PTPRM: variants seen among roughly 807,000 people sequenced by gnomAD.
PTPRM encodes receptor-type tyrosine-protein phosphatase mu.
In PTPRM, 47 loss-of-function variants were observed where a neutral mutation model predicts 186.7. The observed-to-expected ratio is 0.25, with a 90% CI of 0.20 to 0.32. The LOEUF is 0.32. Among genes scored for constraint, PTPRM ranks in the 10% least tolerant of loss-of-function variants. PTPRM has a pLI of 1.00. For synonymous variants in PTPRM, 668 were observed against 674.9 expected, an observed-to-expected ratio of 0.99 and a Z score of 0.16; for missense variants, 1,494 against 1,865.0, an observed-to-expected ratio of 0.80 and a Z score of 3.66.
intron 1 of PTPRM, among the ~76,000 whole-genome samples, chr18:7,771,054 A>C (rs994176198): frequency 6.6e-6 from 1 of 152,288 alleles, no homozygotes; most frequent in African/African-American, 2.4e-5. Context: ...ACCTGGCACC[A>C]GTGTTGTATT....
intron 1 of PTPRM, among the ~76,000 whole-genome samples, chr18:7,705,321 A>C (rs868349696): frequency 3.9e-4 from 56 of 143,076 alleles, no homozygotes; most frequent in African/African-American, 7.1e-4. Context: ...CTATCTATCT[A>C]TCTATCTGTC....
intron 19 of PTPRM, among the ~76,000 whole-genome samples, chr18:8,255,119 G>A (rs1005734453): frequency 6.6e-6 from 1 of 152,166 alleles, no homozygotes; most frequent in Non-Finnish European, 1.5e-5. Context: ...GGAATTAATA[G>A]GATTAAGAGT....
At chr18:7,993,514 T>TTAACAGCAGA (rs2083374258) in intron 7 of PTPRM, among the ~76,000 whole-genome samples, 1 of 152,036 alleles carries the variant, frequency 6.6e-6, no homozygotes, top group South Asian at 2.1e-4. Flanking sequence ...TCCCATCAGA[T>TTAACAGCAGA]TAACAGCAGA....
At chr18:8,378,584 T>C (rs1260937755) in intron 27 of PTPRM, among the ~76,000 whole-genome samples, 170 bp downstream of exon 27, 2 of 152,136 alleles carry the variant, frequency 1.3e-5, no homozygotes, top group African/African-American at 4.8e-5. Flanking sequence ...GTCTATGGTA[T>C]CACCACCACA....
intron 14 of PTPRM, among the ~76,000 whole-genome samples, chr18:8,150,208 A>C (rs1435393422): frequency 1.3e-5 from 2 of 152,094 alleles, no homozygotes; most frequent in African/African-American, 4.8e-5. Flanking sequence ...TAGATTGGGG[A>C]AGTTCTCCTG....
chr18:8,088,092 G>A (rs2090523707), intron 10 of PTPRM, among the ~76,000 whole-genome samples: 2 of 152,232 alleles, frequency 1.3e-5, no homozygotes, highest in African/African-American at 4.8e-5. Context: ...AAACGTAGAG[G>A]GTAGTTCCCC....
At chr18:8,074,823 T>C (rs1398030062) in intron 8 of PTPRM, among the ~76,000 whole-genome samples, 1 of 152,218 alleles carries the variant, frequency 6.6e-6, no homozygotes. Context: ...ATATATGATA[T>C]GCAGAAGCCT....
chr18:8,300,080 T>G lies in PTPRM; in HGVS notation c.2842+3625T>G, dbSNP rs376383553. ...GCGGGATGGGTTTAAATCTACCTCC[T>G]ACCACCATGAATTTGCAGTCTGTGG... On this transcript the variant is annotated intron_variant, in intron 20 of 32. Transcript: ENST00000580170. Among the ~76,000 whole-genome samples, 23 of 152,280 alleles carry G rather than the reference T, an allele frequency of 1.5e-4. No individual in the cohort carries two copies. The East Asian group carries it at 3.7e-3, about 24-fold the overall frequency.
intron 2 of PTPRM, among the ~76,000 whole-genome samples, chr18:7,789,046 G>A (rs754486042): frequency 2.0e-4 from 31 of 152,136 alleles, no homozygotes; most frequent in Admixed American, 3.9e-4. Flanking sequence ...CTTGGGCTGG[G>A]CACAGTGGCT....
chr18:7,728,402 C>T (rs2040590614), intron 1 of PTPRM, among the ~76,000 whole-genome samples: 1 of 152,140 alleles, frequency 6.6e-6, no homozygotes, highest in South Asian at 2.1e-4. Context: ...AGGTTTCCAC[C>T]TCACAAATTG....
At chr18:7,774,910 G>T (rs940770615) in intron 2 of PTPRM, among the ~76,000 whole-genome samples, 1 of 152,152 alleles carries the variant, frequency 6.6e-6, no homozygotes, top group Non-Finnish European at 1.5e-5. Context: ...TTATTGCAAT[G>T]GACCCTTTTT....
intron 19 of PTPRM, among the ~76,000 whole-genome samples, chr18:8,261,728 A>T (rs1226898802): frequency 6.6e-6 from 1 of 152,124 alleles, no homozygotes; most frequent in East Asian, 1.9e-4. Context: ...TTAGATTAAA[A>T]ATTGTTATTT....
chr18:8,142,881 A>G (rs904857207), intron 13 of PTPRM, among the ~76,000 whole-genome samples: 2 of 152,200 alleles, frequency 1.3e-5, no homozygotes, highest in African/African-American at 4.8e-5. Context: ...TTCATCAGAC[A>G]TGGATTTGAC....
rs142355915 is a variant in PTPRM at position 8,306,081 on chromosome 18, G to A, written c.2843-8700G>A. On this transcript the variant is annotated intron_variant, in intron 20 of 32. Coordinates refer to ENST00000580170, the MANE Select transcript of PTPRM (RefSeq NM_001105244.2). Reference sequence around the variant, plus strand: ...CCTGGCTAATTTTGTATTTTTGGTAGAGACGGAGTTTCTTCATGTTGGTCA... The same window carrying A: ...CCTGGCTAATTTTGTATTTTTGGTAAAGACGGAGTTTCTTCATGTTGGTCA... Among the ~76,000 whole-genome samples, 1,114 of 152,170 alleles carry A rather than the reference G, an allele frequency of 7.3e-3. 5 individuals carry two copies. Among genetic ancestry groups the A allele is most frequent in the Middle Eastern group, 0.048 (14 of 294 alleles).
At chr18:7,595,703 A>G (rs1356933216) in intron 1 of PTPRM, among the ~76,000 whole-genome samples, 1 of 152,252 alleles carries the variant, frequency 6.6e-6, no homozygotes, top group Non-Finnish European at 1.5e-5. Flanking sequence ...TAACATGTTT[A>G]CTATCAGCAA....
intron 3 of PTPRM, among the ~76,000 whole-genome samples, chr18:7,901,702 A>G (rs990673674): frequency 1.3e-5 from 2 of 152,202 alleles, no homozygotes; most frequent in African/African-American, 4.8e-5. Context: ...GTTAGAAAAA[A>G]AACAAAGGGA....
intron 7 of PTPRM, among the ~76,000 whole-genome samples, chr18:7,959,178 A>G (rs74589120): frequency 0.022 from 3,288 of 152,344 alleles, 46 homozygotes; most frequent in African/African-American, 0.044. Flanking sequence ...GCATGTGGTC[A>G]ATCAGAGTTA....
At chr18:7,960,484 C>CAT (rs2053605682) in intron 7 of PTPRM, among the ~76,000 whole-genome samples, 1 of 136,924 alleles carries the variant, frequency 7.3e-6, no homozygotes, top group Non-Finnish European at 1.5e-5. Flanking sequence ...TATATATACA[C>CAT]ACACACACAC....
Position 7,826,586 on chromosome 18 carries a change from T to G in PTPRM, c.196+52315T>G, listed in dbSNP as rs143011851. Among the ~76,000 whole-genome samples the G allele has an allele frequency of 5.2e-3, 787 of 152,358 alleles. 1 individual carries two copies. Among genetic ancestry groups the G allele is most frequent in the African/African-American group, 0.018 (737 of 41,582 alleles). On this transcript the variant is annotated intron_variant, in intron 2 of 32. Transcript: ENST00000580170. ...TTAAAGATGTTGAATATTTCATGGTTATAACAAATGAAACTCCCATGAAAT... is the reference window on the plus strand; with the variant it reads ...TTAAAGATGTTGAATATTTCATGGTGATAACAAATGAAACTCCCATGAAAT...
Sources: allele counts gnomAD v4.1 joint callset (sites outside exome capture counted in the v4.1 genomes callset), GRCh38; gene constraint gnomAD v4.1.1; transcripts MANE v1.5; gene names NCBI Gene and HGNC (gene_info 2026-07-23, HGNC 2026-07-21).